PDE11A: variants seen among roughly 807,000 people sequenced by gnomAD.
PDE11A encodes phosphodiesterase 11A.
PDE11A carries 100 observed loss-of-function variants against 100.5 expected under a neutral mutation model. The ratio of observed to expected loss-of-function variants is 1.00; its 90% CI spans 0.85 to 1.18. The LOEUF (loss-of-function observed/expected upper bound fraction) is 1.18. Ranked by LOEUF, PDE11A falls within the 50% of genes most tolerant of loss-of-function variation. The pLI, the probability that PDE11A is intolerant of heterozygous loss-of-function variation, is 0.00. For missense variants in PDE11A, 1,141 were observed against 1,152.6 expected, an observed-to-expected ratio of 0.99 and a Z score of 0.15; for synonymous variants, 381 against 420.8, an observed-to-expected ratio of 0.91 and a Z score of 1.16.
intron 2 of PDE11A, among the ~76,000 whole-genome samples, chr2:177,945,536 C>A (rs914321156): frequency 6.7e-6 from 1 of 149,434 alleles, no homozygotes; most frequent in African/African-American, 2.5e-5. Context: ...TGAGGAGGGT[C>A]TCTGCCCAGC....
chr2:178,056,354 G>T (rs112237354), intron 1 of PDE11A, among the ~76,000 whole-genome samples: 5,857 of 152,252 alleles, frequency 0.038, 401 homozygotes, highest in African/African-American at 0.13. Context: ...AGAATTGCTG[G>T]CATGGTAACT....
intron 10 of PDE11A, among the ~76,000 whole-genome samples, chr2:177,742,785 A>G (rs1256220810): frequency 1.3e-5 from 2 of 152,238 alleles, no homozygotes; most frequent in African/African-American, 4.8e-5. Context: ...CAAGGCTAGG[A>G]AAGTAAAAGG....
intron 12 of PDE11A, among the ~76,000 whole-genome samples, chr2:177,725,352 C>A (rs1388696949): frequency 6.6e-6 from 1 of 152,084 alleles, no homozygotes; most frequent in Non-Finnish European, 1.5e-5. Context: ...TGACTGTAAC[C>A]CTTAGTTAAG....
chr2:178,020,588 T>C (rs965161440), intron 1 of PDE11A, among the ~76,000 whole-genome samples: 1 of 152,118 alleles, frequency 6.6e-6, no homozygotes, highest in African/African-American at 2.4e-5. Context: ...GGCCAGGAGT[T>C]CAAGACCAGC....
At chr2:177,776,228 T>G (rs2082375447) in intron 9 of PDE11A, among the ~76,000 whole-genome samples, 1 of 152,180 alleles carries the variant, frequency 6.6e-6, no homozygotes, top group South Asian at 2.1e-4. Flanking sequence ...AGATCAGCAA[T>G]AAATATTTTC....
chr2:177,669,438 T>C, intron 18 of PDE11A, 55 bp downstream of exon 18: 1 of 820,986 alleles, frequency 1.2e-6, no homozygotes, highest in Non-Finnish European at 2.2e-6. Flanking sequence ...TTGGAGTTCT[T>C]TTTGAAAATG....
At chr2:178,087,707 T>C (rs748552519) in intron 2 of PDE11A, among the ~76,000 whole-genome samples, 2 of 152,162 alleles carry the variant, frequency 1.3e-5, no homozygotes, top group Non-Finnish European at 2.9e-5. Context: ...ACAAAATTTA[T>C]ACAAATTTTA....
At position 178,072,178 on chromosome 2, in the gene PDE11A, AG is replaced by A; in HGVS notation, c.259del (p.Leu87PhefsTer12). 6.2e-7 allele frequency: 1 copy of A among 1,613,872 alleles called. No individual in the cohort carries two copies. The highest frequency in any genetic ancestry group is 2.2e-5 in the East Asian group (1 of 44,862). ...GPNGSAHSQP[L>X]PGGGDCGGVP... ...CCCACCACAGTCCCCGCCACCGGGA[AG>A]GGGCTGGCTGTGGGCAGAGCCATTT... On this transcript the variant is annotated frameshift_variant, in exon 1 of 20. Transcript: ENST00000286063. LOFTEE classifies it high-confidence loss of function.
intron 19 of PDE11A, among the ~76,000 whole-genome samples, chr2:177,646,866 G>A (rs1456960023): frequency 1.3e-5 from 2 of 152,212 alleles, no homozygotes; most frequent in African/African-American, 4.8e-5. Context: ...TAAAGGACAG[G>A]CAAGCCTAAA....
Position 177,629,409 on chromosome 2 carries a change from A to T in PDE11A, c.2800T>A (p.Ter934LysextTer10). The part of the protein sequence containing the change: ...SVMVAKEDRN[*>K] The stretch of plus-strand genomic sequence containing the variant: ...GCAGCTGCAGCTGACCTGGAGGTTT[A>T]GTTCCTGTCTTCCTTGGCTACCATA... The change falls in exon 20 of 20, where the codon TAA (stop) becomes AAA (lysine). Residue 934 changes from the stop codon to lysine (K), a stop_lost. Coordinates refer to ENST00000286063, the MANE Select transcript of PDE11A (RefSeq NM_016953.4). 6.2e-7 allele frequency: 1 copy of T among 1,613,254 alleles called. No homozygotes were observed. The highest frequency in any genetic ancestry group is 8.5e-7 in the Non-Finnish European group (1 of 1,179,850).
chr2:177,968,664 A>T (rs2085729154), intron 2 of PDE11A, among the ~76,000 whole-genome samples: 1 of 152,242 alleles, frequency 6.6e-6, no homozygotes, highest in South Asian at 2.1e-4. Context: ...CTCAACAAAC[A>T]TATGAAAAAA....
chr2:177,819,896 G>C (rs7565114), intron 7 of PDE11A, among the ~76,000 whole-genome samples: 14,042 of 82,094 alleles, frequency 0.17, 1,035 homozygotes, highest in African/African-American at 0.3. Context: ...CTCTCTCTCT[G>C]TCTCTGTCTC....
intron 10 of PDE11A, among the ~76,000 whole-genome samples, chr2:177,751,021 C>T (rs1037933054): frequency 6.6e-6 from 1 of 152,070 alleles, no homozygotes; most frequent in African/African-American, 2.4e-5. Flanking sequence ...AGGCTCCCTT[C>T]CCTAGCCAAG....
At chr2:177,829,377 T>C (rs2083274889) in intron 6 of PDE11A, among the ~76,000 whole-genome samples, 1 of 152,168 alleles carries the variant, frequency 6.6e-6, no homozygotes, top group Admixed American at 6.5e-5. Context: ...TATCAGGATA[T>C]ATAGATTGCT....
intron 15 of PDE11A, chr2:177,683,155 G>A (rs1191857245): frequency 6.6e-6 from 1 of 152,182 alleles, no homozygotes; most frequent in Non-Finnish European, 1.5e-5. Flanking sequence ...TACTTGAAAG[G>A]AGACAGGTCA....
Position 177,857,920 on chromosome 2 carries a change from T to A in PDE11A, c.1368-17537A>T, listed in dbSNP as rs183727804. ...TCATATCAGATAAAACAGTTTTTTTTAAAAAACGGTTACTAGAGATAAAGA... is the reference window on the plus strand; with the variant it reads ...TCATATCAGATAAAACAGTTTTTTTAAAAAAACGGTTACTAGAGATAAAGA... On this transcript the variant is annotated intron_variant, in intron 5 of 19. Transcript: ENST00000286063. Among the ~76,000 whole-genome samples the A allele has an allele frequency of 4.8e-3, 736 of 151,998 alleles. 7 individuals are homozygous for A. Among genetic ancestry groups the A allele is most frequent in the African/African-American group, 0.015 (631 of 41,462 alleles).
chr2:177,750,924 G>T (rs1356811713), intron 10 of PDE11A, among the ~76,000 whole-genome samples: 1 of 152,084 alleles, frequency 6.6e-6, no homozygotes, highest in Admixed American at 6.5e-5. Flanking sequence ...TCGCCTGGGG[G>T]CTTAAAAAGT....
At chr2:177,908,967 A>T (rs147718067) in intron 2 of PDE11A, among the ~76,000 whole-genome samples, 22 of 152,338 alleles carry the variant, frequency 1.4e-4, no homozygotes, top group Non-Finnish European at 2.6e-4. Context: ...GATCGGTATT[A>T]GTTCTTTTCA....
At chr2:177,959,554 G>A (rs2085607156) in intron 2 of PDE11A, among the ~76,000 whole-genome samples, 1 of 152,194 alleles carries the variant, frequency 6.6e-6, no homozygotes. Context: ...TATAAACAGA[G>A]AGAAAGCAGA....
Sources: gnomAD v4.1 joint callset for allele counts (sites outside exome capture counted in the v4.1 genomes callset) on GRCh38, gnomAD v4.1.1 for gene constraint, MANE v1.5 for transcripts, NCBI Gene and HGNC (gene_info 2026-07-23, HGNC 2026-07-21) for gene names.